Variants in SARDH observed in about 807,000 individuals in gnomAD.
SARDH encodes sarcosine dehydrogenase.
A neutral mutation model predicts 109.1 loss-of-function variants in SARDH; 95 were observed. The ratio of observed to expected loss-of-function variants is 0.87; its 90% CI spans 0.74 to 1.03. The LOEUF is 1.03. Ranked by LOEUF, SARDH falls within the 50% of genes least tolerant of loss-of-function variation. The pLI is 0.00. For missense variants in SARDH, 1,267 were observed against 1,287.8 expected, an observed-to-expected ratio of 0.98 and a Z score of 0.25; for synonymous variants, 572 against 534.8, an observed-to-expected ratio of 1.07 and a Z score of -0.96.
chr9:133,694,005 G>A (rs917466363), intron 15 of SARDH, among the ~76,000 whole-genome samples: 2 of 152,222 alleles, frequency 1.3e-5, no homozygotes, highest in African/African-American at 2.4e-5. Flanking sequence ...CAGCCACTCC[G>A]AACCGCAACA....
intron 1 of SARDH, among the ~76,000 whole-genome samples, chr9:133,737,420 T>C (rs1210510922): frequency 6.6e-6 from 1 of 152,126 alleles, no homozygotes; most frequent in Admixed American, 6.5e-5. Flanking sequence ...GCCTCCTGCA[T>C]GTGTCTGTAC....
intron 10 of SARDH, among the ~76,000 whole-genome samples, chr9:133,711,886 C>T (rs1178919430): frequency 1.3e-5 from 2 of 152,134 alleles, no homozygotes. Flanking sequence ...GTCGGAGAGG[C>T]CACCGCCATG....
intron 17 of SARDH, among the ~76,000 whole-genome samples, chr9:133,675,290 G>A (rs1830478048): frequency 6.6e-6 from 1 of 152,120 alleles, no homozygotes; most frequent in East Asian, 1.9e-4. Context: ...GGTGGAGGCT[G>A]CAGTGAGCCG....
downstream of SARDH, among the ~76,000 whole-genome samples, chr9:133,659,866 C>T (rs1394016227): frequency 2.0e-5 from 3 of 152,120 alleles, no homozygotes; most frequent in Non-Finnish European, 4.4e-5. Flanking sequence ...AGCCTCTTCC[C>T]GCGATCACAC....
chr9:133,704,925 A>C lies in SARDH; in HGVS notation c.1554+23T>G, dbSNP rs1831631770. 6.4e-7 allele frequency: 1 copy of C among 1,558,942 alleles called. No homozygotes were observed. The highest frequency in any genetic ancestry group is 1.9e-5 in the Admixed American group (1 of 51,958). ...TGTCAGGGCAGGGCCTCCCAGCAGC[A>C]CAGCCCAGCAGGCACTACTCACCGG... On this transcript the variant is annotated intron_variant, in intron 12 of 20. Transcript: ENST00000439388. The surrounding 1 kb of genome is among the most constrained non-coding windows in gnomAD (Gnocchi z 4.5).
chr9:133,703,370 A>G, intron 12 of SARDH: 1 of 338,090 alleles, frequency 3.0e-6, no homozygotes, highest in Non-Finnish European at 5.6e-6. Context: ...AGCCACGGCA[A>G]TCCCAGGCCC....
At chr9:133,719,255 C>T (rs1404544847) in intron 6 of SARDH, among the ~76,000 whole-genome samples, 2 of 152,084 alleles carry the variant, frequency 1.3e-5, no homozygotes, top group East Asian at 3.9e-4. Flanking sequence ...CCCCAAATCC[C>T]ATAAAATAAC....
chr9:133,664,058 T>C (rs1829972342), intron 20 of SARDH, 44 bp from the exon 21 acceptor site: 6 of 1,603,020 alleles, frequency 3.7e-6, no homozygotes, highest in Non-Finnish European at 5.1e-6. Context: ...TGTTGGTAGG[T>C]ACAGGGCTCA....
At chr9:133,724,748 A>G (rs1832433656) in intron 6 of SARDH, among the ~76,000 whole-genome samples, 1 of 151,856 alleles carries the variant, frequency 6.6e-6, no homozygotes, top group African/African-American at 2.4e-5. Flanking sequence ...GGATGTTTGC[A>G]TTATACTTAC....
At chr9:133,729,226 C>G (rs1426446821) in intron 6 of SARDH, among the ~76,000 whole-genome samples, 1 of 151,974 alleles carries the variant, frequency 6.6e-6, no homozygotes, top group Non-Finnish European at 1.5e-5. Context: ...TGGCAGGAAG[C>G]TCCCAGCCAC....
intron 18 of SARDH, among the ~76,000 whole-genome samples, chr9:133,671,147 G>A (rs1172366545): frequency 6.6e-6 from 1 of 152,118 alleles, no homozygotes; most frequent in Non-Finnish European, 1.5e-5. Context: ...ACAGGGTCTG[G>A]GCTTCTTCCA....
rs1410043565 is a variant in SARDH at position 133,704,564 on chromosome 9, G to A, written c.1554+384C>T. On this transcript the variant is annotated intron_variant, in intron 12 of 20. Coordinates refer to ENST00000439388, the MANE Select transcript of SARDH (RefSeq NM_001134707.2). This position sits in a 1 kb window ranked among gnomAD's most constrained non-coding sequence, Gnocchi z 4.5. ...CTACGGACATAAACCAACAGTCGGA[G>A]TGGCCAAAAATAGATGCACAGAATT... Among the ~76,000 whole-genome samples the A allele has an allele frequency of 1.3e-5, 2 of 152,162 alleles. No individual in the cohort carries two copies. Among genetic ancestry groups the A allele is most frequent in the African/African-American group, 4.8e-5 (2 of 41,444 alleles).
At position 133,673,460 on chromosome 9, in the gene SARDH, C is replaced by T. The variant is rs748897870; in HGVS notation, c.2164-1763G>A. 1.1e-4 allele frequency among the ~76,000 whole-genome samples: 16 copies of T among 152,326 alleles called. 1 individual carries two copies. Among genetic ancestry groups the T allele is most frequent in the African/African-American group, 3.6e-4 (15 of 41,578 alleles). ...GGAAAGGCCCTCCCTGTACAGCTCCCGCTGGGATACGCCTGTGGGAAGGAG... is the reference window on the plus strand; with the variant it reads ...GGAAAGGCCCTCCCTGTACAGCTCCTGCTGGGATACGCCTGTGGGAAGGAG... On this transcript the variant is annotated intron_variant, in intron 17 of 20. Transcript: ENST00000439388.
At chr9:133,729,274 G>A (rs936833673) in intron 6 of SARDH, among the ~76,000 whole-genome samples, 22 of 152,030 alleles carry the variant, frequency 1.4e-4, no homozygotes, top group Non-Finnish European at 8.8e-5. Context: ...GGAGAGAAGA[G>A]AGGGCAGGAG....
chr9:133,671,400 A>G lies in SARDH; in HGVS notation c.2326+135T>C, dbSNP rs1177788354. ...CAGGCGCTGGGGTGTAGGGGAGGAA[A>G]TCATGGTGTGGAAAGAAGGAAGCCG... On this transcript the variant is annotated intron_variant, in intron 18 of 20. Coordinates refer to ENST00000439388, the MANE Select transcript of SARDH (RefSeq NM_001134707.2). The G allele has an allele frequency of 3.4e-6, 4 of 1,184,818 alleles. No individual in the cohort carries two copies. In the East Asian group the frequency reaches 1.1e-4, roughly 32 times the overall value. 73.4% of individuals were successfully genotyped at this position (1,184,818 alleles called of 1,614,324 possible). A position where few individuals can be genotyped will look rare whatever the true frequency, so the allele number is the denominator to read the frequency against.
At chr9:133,678,211 G>A (rs1830582269) in intron 17 of SARDH, among the ~76,000 whole-genome samples, 1 of 152,148 alleles carries the variant, frequency 6.6e-6, no homozygotes, top group South Asian at 2.1e-4. Flanking sequence ...ATTCCCACCA[G>A]CCTCCACCAC....
intron 8 of SARDH, among the ~76,000 whole-genome samples, 176 bp from the exon 9 acceptor site, chr9:133,713,300 C>T (rs1474152103): frequency 1.3e-5 from 2 of 152,220 alleles, no homozygotes; most frequent in Non-Finnish European, 2.9e-5. Flanking sequence ...CCGCTGGCTC[C>T]TGCCCGTGCT....
intron 13 of SARDH, 49 bp from the exon 14 acceptor site, chr9:133,696,410 G>A (rs894211985): frequency 4.3e-6 from 7 of 1,612,232 alleles, no homozygotes; most frequent in Non-Finnish European, 5.9e-6. Context: ...TTTGGGGTGT[G>A]CTTCTTCCTC....
chr9:133,731,275 G>A (rs916619), intron 4 of SARDH, 30 bp downstream of exon 4: 555,139 of 1,610,442 alleles, frequency 0.34, 98,008 homozygotes, highest in East Asian at 0.37. Flanking sequence ...GCTGGGAACA[G>A]GGGACCCAGA....
Sources: gnomAD v4.1 joint callset for allele counts (sites outside exome capture counted in the v4.1 genomes callset) on GRCh38, gnomAD v4.1.1 for gene constraint, Gnocchi (gnomAD v3.1) non-coding constraint, MANE v1.5 for transcripts, NCBI Gene and HGNC (gene_info 2026-07-23, HGNC 2026-07-21) for gene names.